GALNT10: variants seen among roughly 807,000 people sequenced by gnomAD.
GALNT10 encodes polypeptide N-acetylgalactosaminyltransferase 10.
Under a neutral mutation model 75.0 loss-of-function variants are expected in GALNT10, and 41 were observed. That is an observed-to-expected ratio of 0.55 (90% CI 0.43 to 0.71). The LOEUF (loss-of-function observed/expected upper bound fraction) is 0.71, where lower values mean the gene tolerates loss of function less well. Ranked by LOEUF, GALNT10 falls within the 30% of genes least tolerant of loss-of-function variation. GALNT10 has a pLI of 0.00. For missense variants in GALNT10, 727 were observed against 818.5 expected (o/e 0.89, Z 1.36); for synonymous variants, 302 against 313.0 (o/e 0.96, Z 0.37).
chr5:154,324,436 G>A (rs1275003614), intron 3 of GALNT10, among the ~76,000 whole-genome samples: 2 of 152,188 alleles, frequency 1.3e-5, no homozygotes, highest in Admixed American at 6.5e-5. Context: ...ATGGGCCAGG[G>A]GCTCACATGC....
At chr5:154,237,923 C>T (rs1413334130) in intron 1 of GALNT10, among the ~76,000 whole-genome samples, 2 of 152,208 alleles carry the variant, frequency 1.3e-5, no homozygotes, top group African/African-American at 4.8e-5. Context: ...TCTTCTTTTT[C>T]ATACTGTACT....
chr5:154,313,297 G>C (rs897590487), intron 3 of GALNT10, among the ~76,000 whole-genome samples: 2 of 148,538 alleles, frequency 1.3e-5, no homozygotes, highest in Non-Finnish European at 3.0e-5. Context: ...GTGACAGAGC[G>C]AGACTCTTGA....
chr5:154,388,942 G>A (rs1457225728), intron 7 of GALNT10: 6 of 149,650 alleles, frequency 4.0e-5, no homozygotes, highest in Non-Finnish European at 8.9e-5. Flanking sequence ...TGGGGAGGGA[G>A]AGAGGGAGGG....
intron 1 of GALNT10, among the ~76,000 whole-genome samples, chr5:154,255,908 T>C (rs900922022): frequency 2.8e-5 from 4 of 141,836 alleles, no homozygotes; most frequent in Non-Finnish European, 6.2e-5. Context: ...TTCTTCTAAA[T>C]AACAGTCTTA....
chr5:154,312,598 T>C (rs1436007786), intron 3 of GALNT10, among the ~76,000 whole-genome samples: 1 of 152,240 alleles, frequency 6.6e-6, no homozygotes, highest in African/African-American at 2.4e-5. Flanking sequence ...TGTGTAATAT[T>C]CCATAGGAAT....
At chr5:154,213,329 T>G (rs908637753) in intron 1 of GALNT10, among the ~76,000 whole-genome samples, 1 of 152,176 alleles carries the variant, frequency 6.6e-6, no homozygotes, top group Non-Finnish European at 1.5e-5. Flanking sequence ...AGGCCGAACA[T>G]TCCTACAGGT....
At chr5:154,272,604 C>A (rs1328234783) in intron 1 of GALNT10, among the ~76,000 whole-genome samples, 1 of 152,160 alleles carries the variant, frequency 6.6e-6, no homozygotes, top group East Asian at 1.9e-4. Flanking sequence ...GGAACTTGAG[C>A]AAATCCCTCC....
intron 1 of GALNT10, among the ~76,000 whole-genome samples, chr5:154,263,600 C>T (rs1341013339): frequency 6.6e-6 from 1 of 152,148 alleles, no homozygotes; most frequent in Non-Finnish European, 1.5e-5. Context: ...TCTCACATTC[C>T]TGGAAGCTGG....
chr5:154,384,569 C>T (rs552616914), intron 6 of GALNT10, among the ~76,000 whole-genome samples: 29 of 152,300 alleles, frequency 1.9e-4, no homozygotes, highest in African/African-American at 6.7e-4. Context: ...GAGTCATCAC[C>T]TGTGGCCAGT....
rs549132138 is a variant in GALNT10, at chr5:154,294,350, T to C, written c.160-466T>C. On this transcript the variant is annotated intron_variant, in intron 1 of 11. Transcript: ENST00000297107. ...CCTTGTCTCCCACTCCCCATCTCCCTAAAAAAAAGAATGTAAAATACCTTA... is the reference window on the plus strand; with the variant it reads ...CCTTGTCTCCCACTCCCCATCTCCCCAAAAAAAAGAATGTAAAATACCTTA... 1.6e-3 allele frequency among the ~76,000 whole-genome samples: 248 copies of C among 152,024 alleles called. 1 individual carries two copies. Among genetic ancestry groups the C allele is most frequent in the African/African-American group, 5.2e-3 (216 of 41,484 alleles).
rs375833023 is a variant in GALNT10, at chr5:154,302,122, A to T, written c.401+4043A>T. ...ATGTGTGAGTAAATTAGAGCAGTCGAGCCGCTCACTCCATTCAGTTTCTTT... is the reference window on the plus strand; with the variant it reads ...ATGTGTGAGTAAATTAGAGCAGTCGTGCCGCTCACTCCATTCAGTTTCTTT... On this transcript the variant is annotated intron_variant, in intron 3 of 11. Transcript: ENST00000297107. Among the ~76,000 whole-genome samples, 9 of 152,336 alleles carry T rather than the reference A, an allele frequency of 5.9e-5. No homozygotes were observed. The East Asian group carries it at 9.6e-4, about 16-fold the overall frequency.
At chr5:154,206,380 G>A (rs182716792) in intron 1 of GALNT10, among the ~76,000 whole-genome samples, 36 of 152,270 alleles carry the variant, frequency 2.4e-4, no homozygotes, top group African/African-American at 8.2e-4. Context: ...CCACTAAATT[G>A]ATTTGGGGGA....
rs1442805911 is a variant in GALNT10 at position 154,191,020 on chromosome 5, G to GGACA, written c.156_159dup (p.Gly54ThrfsTer24). ...GGGGGCGGCGGTGGCGCCGGCGGCG[G>GGACA]GACAGGTGAGTCCCCCCGTTGCTAC... On this transcript the variant is annotated frameshift_variant, in exon 1 of 12. Coordinates refer to ENST00000297107, the MANE Select transcript of GALNT10 (RefSeq NM_198321.4). LOFTEE classifies it high-confidence loss of function. The GGACA allele has an allele frequency of 6.9e-7, 1 of 1,442,260 alleles. No homozygotes were observed. Among genetic ancestry groups the GGACA allele is most frequent in the East Asian group, 2.8e-5 (1 of 35,424 alleles). 89.3% of individuals were successfully genotyped at this position (1,442,260 alleles called of 1,614,324 possible). A position where few individuals can be genotyped will look rare whatever the true frequency, so the allele number is the denominator to read the frequency against.
At chr5:154,237,775 A>G (rs1021626571) in intron 1 of GALNT10, among the ~76,000 whole-genome samples, 1 of 152,220 alleles carries the variant, frequency 6.6e-6, no homozygotes, top group Non-Finnish European at 1.5e-5. Context: ...GCAAGATTAC[A>G]GAGGTAAAGT....
intron 1 of GALNT10, among the ~76,000 whole-genome samples, chr5:154,275,315 T>C (rs73281463): frequency 0.18 from 27,400 of 152,100 alleles, 2,638 homozygotes; most frequent in African/African-American, 0.22. Flanking sequence ...ATGAGATAGA[T>C]AGGGGAATTG....
intron 7 of GALNT10, among the ~76,000 whole-genome samples, chr5:154,401,324 G>A (rs1756157437): frequency 6.6e-6 from 1 of 152,348 alleles, no homozygotes; most frequent in Non-Finnish European, 1.5e-5. Context: ...AACTGCCCGG[G>A]AGACGTTCAG....
chr5:154,277,981 G>C (rs1437254686), intron 1 of GALNT10, among the ~76,000 whole-genome samples: 1 of 144,296 alleles, frequency 6.9e-6, no homozygotes, highest in Non-Finnish European at 1.5e-5. Flanking sequence ...CCTAACCTAA[G>C]GCCAAAAAAA....
intron 8 of GALNT10, among the ~76,000 whole-genome samples, chr5:154,404,692 T>C (rs1250330965): frequency 6.6e-6 from 1 of 152,220 alleles, no homozygotes. Context: ...CCAGAGGTGA[T>C]GTAAAAAAAC....
intron 1 of GALNT10, among the ~76,000 whole-genome samples, chr5:154,276,226 A>G (rs1753949254): frequency 6.6e-6 from 1 of 152,144 alleles, no homozygotes; most frequent in Non-Finnish European, 1.5e-5. Context: ...GTCCACTTCC[A>G]GACTCATTCA....
Sources: allele counts gnomAD v4.1 joint callset (sites outside exome capture counted in the v4.1 genomes callset), GRCh38; gene constraint gnomAD v4.1.1; transcripts MANE v1.5; gene names NCBI Gene and HGNC (gene_info 2026-07-23, HGNC 2026-07-21).